FRK: variants seen among roughly 807,000 people sequenced by gnomAD.
The protein encoded by FRK is tyrosine-protein kinase FRK.
Under a neutral mutation model 56.4 loss-of-function variants are expected in FRK, and 51 were observed. The observed-to-expected ratio is 0.90, with a 90% CI of 0.72 to 1.14. The LOEUF (loss-of-function observed/expected upper bound fraction) is 1.14. Among genes scored for constraint, FRK ranks in the 50% most tolerant of loss-of-function variants. FRK has a pLI of 0.00. For missense variants in FRK, 570 were observed against 601.4 expected (o/e 0.95, Z 0.55); for synonymous variants, 245 against 217.9 (o/e 1.12, Z -1.10).
the FRK span, among the ~76,000 whole-genome samples, chr6:116,093,794 G>C: frequency 8.5e-4 from 130 of 152,286 alleles, no homozygotes; most frequent in Non-Finnish European, 1.7e-3. Context: ...GAGGCCTTAA[G>C]AAAATACACT....
At chr6:116,025,587 T>C (rs367859681) in intron 1 of FRK, among the ~76,000 whole-genome samples, 25 of 152,300 alleles carry the variant, frequency 1.6e-4, no homozygotes, top group African/African-American at 6.0e-4. Flanking sequence ...TTTCCAGATA[T>C]GATAAAGCTT....
chr6:115,969,777 TG>T (rs1442258617), intron 2 of FRK, among the ~76,000 whole-genome samples: 3 of 152,260 alleles, frequency 2.0e-5, no homozygotes, highest in African/African-American at 7.2e-5. Context: ...AGCAGCCCAG[TG>T]GGAGGCAGTC....
In FRK at chr6:115,931,188, C is replaced by A. The variant is rs1771952433; in HGVS notation, c.*11226G>T. 1 of 152,188 alleles carries A rather than the reference C, an allele frequency of 6.6e-6. No individual in the cohort carries two copies. The highest frequency in any genetic ancestry group is 6.5e-5 in the Admixed American group (1 of 15,280). The allele number at this position is 152,188 out of a possible 1,614,324, so 9.4% of individuals were successfully genotyped here. A position where few individuals can be genotyped will look rare whatever the true frequency, so the allele number is the denominator to read the frequency against. On this transcript the variant is annotated 3_prime_UTR_variant, in exon 8 of 8. Coordinates refer to ENST00000606080, the MANE Select transcript of FRK (RefSeq NM_002031.3). ...TGAATTTATATTTTAGATCCACAAT[C>A]AACTTGACTTCTGAAACAGTTGACT...
the FRK span, among the ~76,000 whole-genome samples, chr6:116,085,435 T>C: frequency 1.1e-4 from 17 of 152,364 alleles, 1 homozygote; most frequent in African/African-American, 2.6e-4. Flanking sequence ...ATAACACATA[T>C]GTATTATGCA....
At chr6:115,959,556 T>C (rs1305243397) in intron 4 of FRK, among the ~76,000 whole-genome samples, 1 of 152,202 alleles carries the variant, frequency 6.6e-6, no homozygotes, top group Non-Finnish European at 1.5e-5. Context: ...TCACATAGCA[T>C]CTGGCCACTT....
rs187071057 is a variant in FRK, at chr6:115,968,818, A to C, written c.467-79T>G. 154 of 1,146,224 alleles carry C rather than the reference A, an allele frequency of 1.3e-4. No homozygotes were observed. The African/African-American group carries it at 2.2e-3, about 16-fold the overall frequency. The allele number at this position is 1,146,224 out of a possible 1,614,324, so 71.0% of individuals were successfully genotyped here. A position where few individuals can be genotyped will look rare whatever the true frequency, so the allele number is the denominator to read the frequency against. On this transcript the variant is annotated intron_variant, in intron 2 of 7. Transcript: ENST00000606080. ...TTATTTACTTTGTGGTGACATTTTC[A>C]ATGCATAAAATGAAATCTATATAAA... is the stretch of plus-strand genomic sequence containing the variant.
At chr6:115,945,342 G>A (rs540122267) in intron 5 of FRK, among the ~76,000 whole-genome samples, 11 of 152,232 alleles carry the variant, frequency 7.2e-5, no homozygotes, top group African/African-American at 2.4e-4. Context: ...GTGTACAAGT[G>A]TTCCTTTCTC....
chr6:116,041,971 G>A (rs932255497), intron 1 of FRK, among the ~76,000 whole-genome samples: 3 of 152,156 alleles, frequency 2.0e-5, no homozygotes, highest in Non-Finnish European at 2.9e-5. Flanking sequence ...GCACCCCCAC[G>A]GAGCCCAGCA....
intron 2 of FRK, among the ~76,000 whole-genome samples, chr6:115,985,035 G>C (rs1471577236): frequency 6.6e-6 from 1 of 152,086 alleles, no homozygotes; most frequent in Non-Finnish European, 1.5e-5. Flanking sequence ...AGCATGGTGG[G>C]GAAGAGCCTG....
At chr6:116,066,364 A>G in the FRK span, among the ~76,000 whole-genome samples, 189 of 152,188 alleles carry the variant, frequency 1.2e-3, 1 homozygote, top group Non-Finnish European at 3.8e-4. Context: ...TCAAGCTTGC[A>G]GGCAGCCTAT....
chr6:115,997,224 A>G (rs147678124), intron 2 of FRK, among the ~76,000 whole-genome samples: 1 of 152,298 alleles, frequency 6.6e-6, no homozygotes, highest in African/African-American at 2.4e-5. Flanking sequence ...GAAGAGCAAA[A>G]CATGTATTTC....
At chr6:116,050,350 T>C (rs897451324) in intron 1 of FRK, among the ~76,000 whole-genome samples, 2 of 152,212 alleles carry the variant, frequency 1.3e-5, no homozygotes, top group African/African-American at 4.8e-5. Flanking sequence ...TGACTGATGT[T>C]TCTTAACCAA....
At chr6:116,010,505 A>G (rs1387460094) in intron 1 of FRK, among the ~76,000 whole-genome samples, 2 of 152,240 alleles carry the variant, frequency 1.3e-5, no homozygotes, top group Non-Finnish European at 1.5e-5. Flanking sequence ...TCCCAAAGGA[A>G]TATAAAACAA....
At position 116,060,483 on chromosome 6, in the gene FRK, C is replaced by T. The variant is rs1345547173; in HGVS notation, c.-172G>A. ...GTCCAGCAGCTGGGTTGCAGCAAGT[C>T]CTACCTGGAGAGACTTACCGGCTTG... On this transcript the variant is annotated 5_prime_UTR_variant, in exon 1 of 8. Coordinates refer to ENST00000606080, the MANE Select transcript of FRK (RefSeq NM_002031.3). 1 of 602,842 alleles carries T rather than the reference C, an allele frequency of 1.7e-6. No homozygotes were observed. The highest frequency in any genetic ancestry group is 2.8e-5 in the East Asian group (1 of 35,878). 37.3% of individuals were successfully genotyped at this position (602,842 alleles called of 1,614,324 possible).
the FRK span, among the ~76,000 whole-genome samples, chr6:116,082,473 G>T: frequency 6.6e-6 from 1 of 152,202 alleles, no homozygotes; most frequent in African/African-American, 2.4e-5. Flanking sequence ...TTGGATCCAG[G>T]TGGTAGCAGT....
rs568401238 is a variant in FRK at position 115,999,202 on chromosome 6, G to T, written c.466+4675C>A. On this transcript the variant is annotated intron_variant, in intron 2 of 7. Transcript: ENST00000606080. ...ACCAGTTGACATGCAGTTAGAATTT[G>T]GTATTTTTCATCAGAAAAACAATTC... Among the ~76,000 whole-genome samples the T allele has an allele frequency of 8.0e-4, 122 of 152,146 alleles. 1 individual carries two copies. Among genetic ancestry groups the T allele is most frequent in the African/African-American group, 2.9e-3 (119 of 41,492 alleles).
intron 1 of FRK, chr6:116,038,665 ATACCT>A (rs1776580715): frequency 2.9e-6 from 1 of 340,356 alleles, no homozygotes. Flanking sequence ...TTTTAACATG[ATACCT>A]TTTAGAATAT....
the FRK span, among the ~76,000 whole-genome samples, chr6:116,081,523 T>A: frequency 3.2e-4 from 49 of 152,114 alleles, 1 homozygote; most frequent in South Asian, 0.01. Context: ...CCGGGTGTGG[T>A]TGTGGGTGCC....
rs898508520 is a variant in FRK at position 115,936,362 on chromosome 6, T to C, written c.*6052A>G. 7.9e-5 allele frequency: 12 copies of C among 152,146 alleles called. No individual in the cohort carries two copies. Among genetic ancestry groups the C allele is most frequent in the Admixed American group, 2.6e-4 (4 of 15,272 alleles). 9.4% of individuals were successfully genotyped at this position (152,146 alleles called of 1,614,324 possible). A position where few individuals can be genotyped will look rare whatever the true frequency, so the allele number is the denominator to read the frequency against. On this transcript the variant is annotated 3_prime_UTR_variant, in exon 8 of 8. Transcript: ENST00000606080. ...CCAAAAGTAGATAAATCCAGGAAGA[T>C]GAGGAGAAACCAGCGCAAAACAGCT...
Sources: allele counts gnomAD v4.1 joint callset (sites outside exome capture counted in the v4.1 genomes callset), GRCh38; gene constraint gnomAD v4.1.1; transcripts MANE v1.5; gene names NCBI Gene and HGNC (gene_info 2026-07-23, HGNC 2026-07-21).